BMPR1B: variants seen among roughly 807,000 people sequenced by gnomAD.
BMPR1B encodes bone morphogenetic protein receptor type 1B.
BMPR1B carries 12 observed loss-of-function variants against 59.1 expected under a neutral mutation model. That is an observed-to-expected ratio of 0.20 (90% CI 0.13 to 0.33). The LOEUF (loss-of-function observed/expected upper bound fraction) is 0.33, where lower values mean the gene tolerates loss of function less well. Ranked by LOEUF, BMPR1B falls within the 10% of genes least tolerant of loss-of-function variation. The pLI is 1.00. For synonymous variants in BMPR1B, 237 were observed against 207.3 expected (o/e 1.14, Z -1.23); for missense variants, 550 against 610.9 (o/e 0.90, Z 1.05).
intron 1 of BMPR1B, among the ~76,000 whole-genome samples, chr4:94,779,108 A>G (rs1021554519): frequency 6.6e-6 from 1 of 152,160 alleles, no homozygotes. Flanking sequence ...CCCCAACATC[A>G]TAATGATATT....
intron 10 of BMPR1B, among the ~76,000 whole-genome samples, chr4:95,147,062 T>G (rs1016932348): frequency 6.6e-6 from 1 of 152,186 alleles, no homozygotes; most frequent in Admixed American, 6.5e-5. Context: ...ACCATCTGTT[T>G]TGTTTTTTAA....
intron 1 of BMPR1B, among the ~76,000 whole-genome samples, chr4:94,811,088 T>C (rs1723794841): frequency 6.6e-6 from 1 of 152,224 alleles, no homozygotes; most frequent in South Asian, 2.1e-4. Context: ...TATTTGGTCA[T>C]GATAACAAGA....
chr4:94,872,873 C>T (rs1213730413), intron 1 of BMPR1B, among the ~76,000 whole-genome samples: 2 of 152,126 alleles, frequency 1.3e-5, no homozygotes, highest in East Asian at 3.8e-4. Context: ...AGTTTCTGCA[C>T]CTAAGAAGTT....
intron 3 of BMPR1B, among the ~76,000 whole-genome samples, chr4:95,079,502 T>A (rs1381858052): frequency 2.0e-5 from 3 of 152,198 alleles, no homozygotes; most frequent in East Asian, 3.8e-4. Context: ...AGAGCTTCTC[T>A]ATTTAATAAT....
intron 2 of BMPR1B, among the ~76,000 whole-genome samples, chr4:94,880,593 G>A (rs1726919973): frequency 6.6e-6 from 1 of 151,528 alleles, no homozygotes; most frequent in Admixed American, 6.6e-5. Flanking sequence ...CTGAAGTACT[G>A]GGATTAGAGG....
At chr4:95,140,131 G>T (rs1412005720) in intron 10 of BMPR1B, among the ~76,000 whole-genome samples, 1 of 152,112 alleles carries the variant, frequency 6.6e-6, no homozygotes, top group African/African-American at 2.4e-5. Flanking sequence ...TTATTACCAT[G>T]AAATGTCTTG....
chr4:94,928,328 A>C (rs1169159091), intron 2 of BMPR1B, among the ~76,000 whole-genome samples: 1 of 151,954 alleles, frequency 6.6e-6, no homozygotes, highest in Admixed American at 6.6e-5. Context: ...GTTTATTTTT[A>C]AAAATGTTTG....
At chr4:95,118,010 G>A (rs1347347) in intron 6 of BMPR1B, among the ~76,000 whole-genome samples, 2,621 of 152,242 alleles carry the variant, frequency 0.017, 78 homozygotes, top group African/African-American at 0.06. Flanking sequence ...GGATGCAGGA[G>A]TGGCTGGTGG....
chr4:94,832,365 A>G (rs1469824852), intron 1 of BMPR1B, among the ~76,000 whole-genome samples: 1 of 152,162 alleles, frequency 6.6e-6, no homozygotes, highest in Non-Finnish European at 1.5e-5. Flanking sequence ...ACTGTTTATT[A>G]TTTACTCCTG....
chr4:94,799,204 GAA>G, intron 1 of BMPR1B, among the ~76,000 whole-genome samples: 1 of 149,708 alleles, frequency 6.7e-6, no homozygotes, highest in Non-Finnish European at 1.5e-5. Context: ...TCTTGATGCA[GAA>G]AAGACCTTAT....
intron 2 of BMPR1B, among the ~76,000 whole-genome samples, chr4:94,970,276 CTTCTCTTCTCTTCTCTTCTCTTCTCTTCT>C (rs1560573057): frequency 3.5e-5 from 4 of 114,816 alleles, no homozygotes; most frequent in Non-Finnish European, 7.8e-5. Flanking sequence ...CTTCTCTTCT[CTTCTCTTCTCTTCTCTTCTCTTCTCTTCT>C]TTCTCTCTCT....
At position 95,133,854 on chromosome 4, in the gene BMPR1B, G is replaced by A. The variant is rs903452890; in HGVS notation, c.1076+2342G>A. On this transcript the variant is annotated intron_variant, in intron 10 of 12. Coordinates refer to ENST00000515059, the MANE Select transcript of BMPR1B (RefSeq NM_001203.3). ...CAAAACGCTGGGATTATAGGCATGA[G>A]CCACCATGCCTGGCCCACCTGCTGT... Among the ~76,000 whole-genome samples, 6 of 150,162 alleles carry A rather than the reference G, an allele frequency of 4.0e-5. No individual in the cohort carries two copies. The South Asian group carries it at 6.4e-4, about 16-fold the overall frequency.
chr4:94,991,532 A>C (rs540901269), intron 2 of BMPR1B, among the ~76,000 whole-genome samples: 3 of 152,196 alleles, frequency 2.0e-5, no homozygotes, highest in Non-Finnish European at 4.4e-5. Context: ...TGCACTTTGA[A>C]CAGGGACTTG....
chr4:95,143,561 G>A (rs1477478735), intron 10 of BMPR1B, among the ~76,000 whole-genome samples: 1 of 152,304 alleles, frequency 6.6e-6, no homozygotes. Flanking sequence ...GCCACTTGGA[G>A]TGTCCATAGA....
At chr4:95,146,028 C>T (rs1163860624) in intron 10 of BMPR1B, among the ~76,000 whole-genome samples, 2 of 152,194 alleles carry the variant, frequency 1.3e-5, no homozygotes, top group Admixed American at 1.3e-4. Context: ...GCAAGACACA[C>T]TGCGAATGGA....
intron 3 of BMPR1B, among the ~76,000 whole-genome samples, chr4:95,017,920 CT>C (rs1451016814): frequency 6.6e-6 from 1 of 152,146 alleles, no homozygotes; most frequent in Non-Finnish European, 1.5e-5. Flanking sequence ...AAAGAAAATA[CT>C]GTTGTGAAAT....
intron 2 of BMPR1B, among the ~76,000 whole-genome samples, chr4:94,893,584 G>GAAATTTA (rs1164882246): frequency 1.3e-5 from 2 of 151,948 alleles, no homozygotes; most frequent in Non-Finnish European, 2.9e-5. Flanking sequence ...CATATAAAGA[G>GAAATTTA]AAATTTAAAT....
chr4:95,049,353 A>G (rs6816624), intron 3 of BMPR1B, among the ~76,000 whole-genome samples: 72,100 of 148,698 alleles, frequency 0.48, 17,747 homozygotes, highest in East Asian at 0.7. Context: ...GCCTTAGGTG[A>G]TCCTCCTGCC....
At chr4:94,788,098 G>T (rs988000385) in intron 1 of BMPR1B, among the ~76,000 whole-genome samples, 1 of 152,166 alleles carries the variant, frequency 6.6e-6, no homozygotes, top group Non-Finnish European at 1.5e-5. Context: ...TGACCCACTT[G>T]TAGATTTTGT....
Sources: allele counts gnomAD v4.1 joint callset (sites outside exome capture counted in the v4.1 genomes callset), GRCh38; gene constraint gnomAD v4.1.1; transcripts MANE v1.5; gene names NCBI Gene and HGNC (gene_info 2026-07-23, HGNC 2026-07-21).